AGFG2: variants seen among roughly 807,000 people sequenced by gnomAD.
AGFG2 encodes the protein arf-GAP domain and FG repeat-containing protein 2.
In AGFG2, 31 loss-of-function variants were observed where a neutral mutation model predicts 48.0. The ratio of observed to expected loss-of-function variants is 0.65; its 90% CI spans 0.49 to 0.87. AGFG2 has a LOEUF of 0.87. AGFG2 is among the 40% of genes least tolerant of loss of function. The pLI is 0.00. For synonymous variants in AGFG2, 229 were observed against 260.8 expected (o/e 0.88, Z 1.18); for missense variants, 599 against 632.6 (o/e 0.95, Z 0.57).
At chr7:100,541,951 C>T (rs1800428671) in intron 1 of AGFG2, among the ~76,000 whole-genome samples, 2 of 152,084 alleles carry the variant, frequency 1.3e-5, no homozygotes, top group South Asian at 4.1e-4. Context: ...TAACATTTCC[C>T]TTATAATACC....
At chr7:100,542,352 A>G (rs995164045) in intron 1 of AGFG2, among the ~76,000 whole-genome samples, 4 of 152,234 alleles carry the variant, frequency 2.6e-5, no homozygotes, top group Admixed American at 6.5e-5. Flanking sequence ...AGACTAAACC[A>G]GGGAGTGATT....
At chr7:100,553,863 CAT>C (rs1188620486) in intron 4 of AGFG2, among the ~76,000 whole-genome samples, 1 of 152,166 alleles carries the variant, frequency 6.6e-6, no homozygotes, top group African/African-American at 2.4e-5. Context: ...TACCTTGGCT[CAT>C]GTGCTGTAAA....
intron 3 of AGFG2, among the ~76,000 whole-genome samples, chr7:100,551,096 G>A (rs1298002833): frequency 2.6e-5 from 3 of 113,958 alleles, no homozygotes; most frequent in African/African-American, 7.1e-5. Flanking sequence ...TTGAGACAGA[G>A]TCTCGCTCTG....
At chr7:100,563,724 G>A (rs2131126296) in intron 9 of AGFG2, 110 bp from the exon 10 acceptor site, 1 of 1,512,120 alleles carries the variant, frequency 6.6e-7, no homozygotes, top group East Asian at 2.3e-5. Flanking sequence ...CGTTCCTCAT[G>A]TCAGGAAAAA....
At position 100,562,217 on chromosome 7, in the gene AGFG2, C is replaced by T. The variant is rs1157486381; in HGVS notation, c.878-42C>T. The T allele has an allele frequency of 6.2e-7, 1 of 1,602,112 alleles. No individual in the cohort carries two copies. The highest frequency in any genetic ancestry group is 8.5e-7 in the Non-Finnish European group (1 of 1,171,872). The stretch of plus-strand genomic sequence containing the variant: ...TGCTCTCCTGCCCCTCCCGCCCTGT[C>T]TTACCTCAGCTCTCCCTGTTGTATT... On this transcript the variant is annotated intron_variant, in intron 6 of 11. Transcript: ENST00000300176. This position sits in a 1 kb window ranked among gnomAD's most constrained non-coding sequence, Gnocchi z 5.4.
intron 1 of AGFG2, 112 bp downstream of exon 1, chr7:100,539,679 G>A: frequency 3.4e-6 from 3 of 892,596 alleles, no homozygotes; most frequent in Non-Finnish European, 4.4e-6. Context: ...GGGGCGGAGG[G>A]GAGGTCAGGG....
chr7:100,564,905 G>A (rs569857359), intron 11 of AGFG2, 27 bp from the exon 12 acceptor site: 3 of 1,613,136 alleles, frequency 1.9e-6, no homozygotes, highest in East Asian at 2.2e-5. Flanking sequence ...TCCCCTAACT[G>A]GAAAATGTAT....
At chr7:100,555,536 G>A in intron 5 of AGFG2, 74 bp from the exon 6 acceptor site, 2 of 1,540,500 alleles carry the variant, frequency 1.3e-6, no homozygotes, top group Non-Finnish European at 1.8e-6. Context: ...GCCTCCCAAA[G>A]TGCTGGAATT....
At position 100,563,883 on chromosome 7, in the gene AGFG2, G is replaced by A. The variant is rs1304854882; in HGVS notation, c.1221G>A (p.Val407=). The A allele has an allele frequency of 6.2e-7, 1 of 1,610,704 alleles. No homozygotes were observed. Among genetic ancestry groups the A allele is most frequent in the Non-Finnish European group, 8.5e-7 (1 of 1,180,026 alleles). The change falls in exon 10 of 12, where the codon GTG becomes GTA. Residue 407 remains valine, a synonymous_variant. Transcript: ENST00000300176. ...CTGGGCCTGGCTTCCCCCAGGCAGTGCCACCCACTGGGGCCTTTGCCAGCT... is the reference window on the plus strand; with the variant it reads ...CTGGGCCTGGCTTCCCCCAGGCAGTACCACCCACTGGGGCCTTTGCCAGCT... The part of the protein sequence containing the change: ...SSAGPGFPQA[V]PPTGAFASSF...
intron 3 of AGFG2, among the ~76,000 whole-genome samples, chr7:100,550,881 GAC>G: frequency 6.9e-6 from 1 of 144,516 alleles, no homozygotes; most frequent in African/African-American, 2.6e-5. Flanking sequence ...TTTTTTTTGA[GAC>G]AAGGTCTCAC....
intron 3 of AGFG2, among the ~76,000 whole-genome samples, chr7:100,552,001 TG>T (rs1800657559): frequency 6.6e-6 from 1 of 151,674 alleles, no homozygotes; most frequent in Non-Finnish European, 1.5e-5. Flanking sequence ...CCCAGCACTT[TG>T]GGAGACCGAG....
intron 3 of AGFG2, among the ~76,000 whole-genome samples, 178 bp from the exon 4 acceptor site, chr7:100,553,169 T>G (rs372576430): frequency 6.6e-6 from 1 of 152,082 alleles, no homozygotes; most frequent in Non-Finnish European, 1.5e-5. Context: ...CAAAAGATGT[T>G]CAAGGGGATG....
intron 3 of AGFG2, among the ~76,000 whole-genome samples, chr7:100,551,712 C>T (rs867811780): frequency 4.0e-5 from 6 of 150,472 alleles, no homozygotes; most frequent in East Asian, 2.0e-4. Flanking sequence ...GGTGAAACCC[C>T]GTCCCTACTA....
rs567303424 is a variant in AGFG2 at position 100,539,253 on chromosome 7, A to C, written c.-94A>C. The C allele has an allele frequency of 8.3e-7, 1 of 1,208,960 alleles. No individual in the cohort carries two copies. The allele number at this position is 1,208,960 out of a possible 1,614,324, so 74.9% of individuals were successfully genotyped here. ...TGCCGCCCGCTCCCGAGCTTCTGTC[A>C]GGGGAGCCGGGCGTGCGGAGGCGGC... On this transcript the variant is annotated 5_prime_UTR_variant, in exon 1 of 12. Coordinates refer to ENST00000300176, the MANE Select transcript of AGFG2 (RefSeq NM_006076.5).
chr7:100,564,798 C>T (rs914820634), intron 11 of AGFG2, 134 bp from the exon 12 acceptor site: 4 of 1,006,422 alleles, frequency 4.0e-6, no homozygotes, highest in African/African-American at 1.6e-5. Context: ...GCTACCGTGC[C>T]TGGCCTTTTC....
intron 6 of AGFG2, among the ~76,000 whole-genome samples, chr7:100,557,018 T>C (rs958457264): frequency 1.3e-5 from 2 of 151,956 alleles, no homozygotes; most frequent in Non-Finnish European, 2.9e-5. Flanking sequence ...GCCAACATGG[T>C]GAAACACCGT....
In AGFG2 at chr7:100,550,504, A is replaced by G. The variant is rs1373867118; in HGVS notation, c.424A>G (p.Lys142Glu). Reference protein sequence around the residue: ...KEFLQEKYEKKRWYVPPDQVK... With the variant: ...KEFLQEKYEKERWYVPPDQVK... ...GTTTCTCCAGGAAAAATATGAGAAG[A>G]AGAGATGGTAAGGAGTAGGAAAGAG... The change falls in exon 3 of 12, where the codon AAG becomes GAG. Residue 142 changes from lysine to glutamate, a missense_variant. Coordinates refer to ENST00000300176, the MANE Select transcript of AGFG2 (RefSeq NM_006076.5). 1 of 1,608,150 alleles carries G rather than the reference A, an allele frequency of 6.2e-7. No homozygotes were observed. The highest frequency in any genetic ancestry group is 2.2e-5 in the East Asian group (1 of 44,814).
At chr7:100,559,997 C>T (rs1304717774) in intron 6 of AGFG2, among the ~76,000 whole-genome samples, 1 of 152,148 alleles carries the variant, frequency 6.6e-6, no homozygotes, top group Admixed American at 6.5e-5. Flanking sequence ...CAGCCTCTCT[C>T]CCAGCCTGGT....
At chr7:100,542,757 T>C (rs540971313) in intron 1 of AGFG2, among the ~76,000 whole-genome samples, 44 of 152,270 alleles carry the variant, frequency 2.9e-4, no homozygotes, top group Middle Eastern at 3.4e-3. Context: ...ATCCCCATGA[T>C]TGATTACCTG....
Sources: gnomAD v4.1 joint callset for allele counts (sites outside exome capture counted in the v4.1 genomes callset) on GRCh38, gnomAD v4.1.1 for gene constraint, Gnocchi (gnomAD v3.1) non-coding constraint, MANE v1.5 for transcripts, NCBI Gene and HGNC (gene_info 2026-07-23, HGNC 2026-07-21) for gene names.